ZSCAN18: variants seen among roughly 807,000 people sequenced by gnomAD.
ZSCAN18 encodes the protein zinc finger and SCAN domain-containing protein 18.
ZSCAN18 carries 16 observed loss-of-function variants against 31.1 expected under a neutral mutation model. That is an observed-to-expected ratio of 0.51 (90% CI 0.35 to 0.78). The LOEUF is 0.78. Ranked by LOEUF, ZSCAN18 falls within the 30% of genes least tolerant of loss-of-function variation. ZSCAN18 has a pLI of 0.01. For missense variants in ZSCAN18, 731 were observed against 697.4 expected (o/e 1.05, Z -0.54); for synonymous variants, 375 against 320.7 (o/e 1.17, Z -1.81).
Position 58,084,694 on chromosome 19 carries a change from CGCCTCTGGGGGTGCGGGGGGA to C in ZSCAN18, c.1503_1523del (p.Pro502_Ala508del). ...GGGACAGCACAGCGGCTCACCTCTGCGCCTCTGGGGGTGCGGGGGGAGCCTCGCCCTCCACGCTCTCTGGGG... is the reference window on the plus strand; with the variant it reads ...GGGACAGCACAGCGGCTCACCTCTGCGCCTCGCCCTCCACGCTCTCTGGGG... On this transcript the variant is annotated inframe_deletion, in exon 7 of 7. Transcript: ENST00000601144. The surrounding 1 kb of genome is among the most constrained non-coding windows in gnomAD (Gnocchi z 4.5). 1 of 1,495,494 alleles carries C rather than the reference CGCCTCTGGGGGTGCGGGGGGA, an allele frequency of 6.7e-7. No homozygotes were observed. Among genetic ancestry groups the C allele is most frequent in the Non-Finnish European group, 8.8e-7 (1 of 1,133,012 alleles). 92.6% of individuals were successfully genotyped at this position (1,495,494 alleles called of 1,614,324 possible). A position where few individuals can be genotyped will look rare whatever the true frequency, so the allele number is the denominator to read the frequency against.
At chr19:58,109,686 T>G (rs2074664072) in intron 1 of ZSCAN18, among the ~76,000 whole-genome samples, 1 of 152,198 alleles carries the variant, frequency 6.6e-6, no homozygotes. Flanking sequence ...AAGTGCACAG[T>G]ATATTTACTT....
intron 1 of ZSCAN18, among the ~76,000 whole-genome samples, chr19:58,106,918 G>C (rs538182253): frequency 1.3e-5 from 2 of 148,318 alleles, no homozygotes; most frequent in African/African-American, 4.9e-5. Flanking sequence ...GCACCATCAC[G>C]CCTGGCTAAT....
chr19:58,116,901 A>AT (rs1044508358), intron 1 of ZSCAN18, among the ~76,000 whole-genome samples: 21 of 151,984 alleles, frequency 1.4e-4, no homozygotes, highest in Non-Finnish European at 2.5e-4. Flanking sequence ...TTTTACTTCT[A>AT]TTTTTTTGAG....
At chr19:58,086,638 G>A (rs1015848853) in intron 5 of ZSCAN18, 1 of 503,882 alleles carries the variant, frequency 2.0e-6, no homozygotes, top group Non-Finnish European at 3.5e-6. Flanking sequence ...TGGCAAGGAG[G>A]GTGGCAATGT....
At chr19:58,089,828 C>T (rs1215809897) in intron 2 of ZSCAN18, 37 bp downstream of exon 2, 4 of 1,555,142 alleles carry the variant, frequency 2.6e-6, no homozygotes, top group Non-Finnish European at 3.5e-6. Flanking sequence ...CCCTCCCCAT[C>T]TCCTCTGAGC....
At chr19:58,107,850 G>T (rs117121674) in intron 1 of ZSCAN18, 14,322 of 1,033,316 alleles carry the variant, frequency 0.014, 126 homozygotes, top group Non-Finnish European at 0.015. Flanking sequence ...GCACAAGGTC[G>T]CCTGAGCATG....
In ZSCAN18 at chr19:58,084,808, C is replaced by T. The variant is rs765241107; in HGVS notation, c.1410G>A (p.Ala470=). 1.3e-5 allele frequency: 20 copies of T among 1,585,578 alleles called. No individual in the cohort carries two copies. The highest frequency in any genetic ancestry group is 1.8e-5 in the Admixed American group (1 of 56,720). Residue 470 remains alanine, a synonymous_variant, in exon 7 of 7, where the codon GCG becomes GCA. Transcript: ENST00000601144. This position sits in a 1 kb window ranked among gnomAD's most constrained non-coding sequence, Gnocchi z 4.5. ...QKTHEKEKSY[A]LGGARGPQPS... is the part of the protein sequence containing the mutation. ...GTTGGGGGCCCCGGGCGCCCCCCAG[C>T]GCGTAGCTTTTCTCCTTCTCGTGGG...
chr19:58,097,828 C>T, intron 1 of ZSCAN18: 1 of 496,002 alleles, frequency 2.0e-6, no homozygotes, highest in Non-Finnish European at 2.6e-6. Flanking sequence ...CTCATCTCTC[C>T]CCCATCAGGA....
intron 1 of ZSCAN18, among the ~76,000 whole-genome samples, chr19:58,097,757 T>A (rs1205459955): frequency 1.3e-5 from 1 of 77,082 alleles, no homozygotes; most frequent in Admixed American, 1.6e-4. Flanking sequence ...CCTCCCCCTT[T>A]TCGCCCCCCT....
At chr19:58,088,635 C>A in intron 3 of ZSCAN18, 53 bp downstream of exon 3, 1 of 1,581,818 alleles carries the variant, frequency 6.3e-7, no homozygotes, top group Non-Finnish European at 8.6e-7. Context: ...AGGCCTCTGC[C>A]CAACACCCCA....
Position 58,109,620 on chromosome 19 carries a change from A to G in ZSCAN18, c.130+8647T>C, listed in dbSNP as rs190829826. Among the ~76,000 whole-genome samples the G allele has an allele frequency of 3.3e-5, 5 of 152,358 alleles. No homozygotes were observed. In the East Asian group the frequency reaches 9.6e-4, roughly 29 times the overall value. On this transcript the variant is annotated intron_variant, in intron 1 of 1. Transcript: ENST00000595721. The stretch of plus-strand genomic sequence containing the variant: ...AAAGTGAATAAACTAAGAGTACACA[A>G]AAATATGGGTACATTTCTCAGGCAT...
At chr19:58,117,702 G>A (rs2074741977) in intron 1 of ZSCAN18, among the ~76,000 whole-genome samples, 1 of 142,082 alleles carries the variant, frequency 7.0e-6, no homozygotes, top group East Asian at 2.0e-4. Flanking sequence ...GTGAGAAAAG[G>A]CCATCTGTGC....
At chr19:58,106,396 T>C (rs1422834893) in intron 1 of ZSCAN18, among the ~76,000 whole-genome samples, 1 of 151,866 alleles carries the variant, frequency 6.6e-6, no homozygotes, top group African/African-American at 2.4e-5. Flanking sequence ...AATGAGACCA[T>C]GTCTCAAAAG....
Position 58,085,269 on chromosome 19 carries a change from G to GA in ZSCAN18, c.948dup (p.Pro317SerfsTer7). On this transcript the variant is annotated frameshift_variant, in exon 7 of 7. Coordinates refer to ENST00000601144, the MANE Select transcript of ZSCAN18 (RefSeq NM_001145543.2). LOFTEE classifies it low-confidence loss of function (END_TRUNC). ...TCCTCCTCAGTGGTGCCCGACGGGG[G>GA]ATCGGCAAGGGCGTCCCCAGGGGGC... 6.2e-7 allele frequency: 1 copy of GA among 1,602,926 alleles called. No individual in the cohort carries two copies. The highest frequency in any genetic ancestry group is 8.5e-7 in the Non-Finnish European group (1 of 1,178,068).
rs534784715 is a variant in ZSCAN18 at position 58,084,744 on chromosome 19, C to A, written c.1474G>T (p.Gly492Cys). Residue 492 changes from glycine to cysteine, a missense_variant, in exon 7 of 7, where the codon GGT becomes TGT. By Grantham distance (159) the Gly-to-Cys change is radical. Around this residue, in one of 4 missense-constraint regions of ZSCAN18, gnomAD observed 597 missense variants for 499.5 expected, o/e 1.20. Coordinates refer to ENST00000601144, the MANE Select transcript of ZSCAN18 (RefSeq NM_001145543.2). The surrounding 1 kb of genome is among the most constrained non-coding windows in gnomAD (Gnocchi z 4.5). ...REAQAGARAGGPPESVEGEAP... is the reference protein window; with the variant it reads ...REAQAGARAGCPPESVEGEAP... ...TCGCCCTCCACGCTCTCTGGGGGAC[C>A]GCCCGCCCTAGCCCCCGCCTGGGCT... The A allele has an allele frequency of 2.6e-6, 4 of 1,549,440 alleles. No homozygotes were observed. Among genetic ancestry groups the A allele is most frequent in the Admixed American group, 1.9e-5 (1 of 52,044 alleles).
rs1424096184 is a variant in ZSCAN18 at position 58,086,271 on chromosome 19, G to A, written c.746-5C>T. ...CAGGCTGGGAAAGCTGATACCCTGA[G>A]TGGGGTTAAAAACCAAAGAAATAAA... On this transcript the variant is annotated splice_region_variant and splice_polypyrimidine_tract_variant and intron_variant, in intron 5 of 6. Transcript: ENST00000601144. 1.2e-6 allele frequency: 2 copies of A among 1,613,192 alleles called. No individual in the cohort carries two copies. The highest frequency in any genetic ancestry group is 3.3e-5 in the Admixed American group (2 of 59,984).
upstream of ZSCAN18, among the ~76,000 whole-genome samples, chr19:58,102,603 CAAT>C (rs113963738): frequency 8.5e-5 from 13 of 152,124 alleles, no homozygotes; most frequent in African/African-American, 3.1e-4. Context: ...AGGCAGGTAA[CAAT>C]GATTATTCAG....
intron 1 of ZSCAN18, among the ~76,000 whole-genome samples, chr19:58,113,665 G>A (rs2074706584): frequency 6.6e-6 from 1 of 152,078 alleles, no homozygotes; most frequent in African/African-American, 2.4e-5. Context: ...TCACAACCGT[G>A]GTAAGACTTG....
chr19:58,097,429 C>A (rs2074540102), intron 1 of ZSCAN18, among the ~76,000 whole-genome samples: 1 of 151,908 alleles, frequency 6.6e-6, no homozygotes, highest in African/African-American at 2.4e-5. Flanking sequence ...GCCAGTACAC[C>A]CACTCTTGCC....
Sources: allele counts gnomAD v4.1 joint callset (sites outside exome capture counted in the v4.1 genomes callset), GRCh38; gene constraint gnomAD v4.1.1; regional missense constraint gnomAD v4.1.1; non-coding constraint Gnocchi (gnomAD v3.1); transcripts MANE v1.5; gene names NCBI Gene and HGNC (gene_info 2026-07-23, HGNC 2026-07-21).